The following OLFM2 variants were observed in gnomAD, a reference collection of about 807,000 sequenced individuals.
OLFM2 encodes the protein olfactomedin 2, also known as noelin-2.
Under a neutral mutation model 43.9 loss-of-function variants are expected in OLFM2, and 20 were observed. The ratio of observed to expected loss-of-function variants is 0.46; its 90% CI spans 0.32 to 0.66. OLFM2 has a LOEUF of 0.66. OLFM2 is among the 30% of genes least tolerant of loss of function. The probability of loss-of-function intolerance (pLI) is 0.04; values close to 1 mark genes in which losing one functional copy is unlikely to be tolerated. For synonymous variants in OLFM2, 268 were observed against 278.6 expected, an observed-to-expected ratio of 0.96 and a Z score of 0.38; for missense variants, 416 against 643.6, an observed-to-expected ratio of 0.65 and a Z score of 3.83.
intron 1 of OLFM2, among the ~76,000 whole-genome samples, chr19:9,882,366 G>A (rs1227665108): frequency 2.7e-5 from 4 of 149,222 alleles, no homozygotes; most frequent in Non-Finnish European, 4.5e-5. Context: ...GTGAAACCCC[G>A]TCTCTACTAA....
chr19:9,871,256 G>A (rs576303911), intron 1 of OLFM2, among the ~76,000 whole-genome samples: 2 of 145,556 alleles, frequency 1.4e-5, no homozygotes, highest in African/African-American at 5.2e-5. Context: ...GGGCAACAAA[G>A]CGAGATCCTG....
chr19:9,879,963 G>A (rs1168265022), intron 1 of OLFM2, among the ~76,000 whole-genome samples: 1 of 152,028 alleles, frequency 6.6e-6, no homozygotes, highest in Non-Finnish European at 1.5e-5. Context: ...TTTTAGTAGA[G>A]ACAAGGTTTC....
chr19:9,916,185 T>C (rs953709814), intron 1 of OLFM2, among the ~76,000 whole-genome samples: 2 of 151,944 alleles, frequency 1.3e-5, no homozygotes, highest in African/African-American at 4.8e-5. Context: ...GGTAAAACCC[T>C]GTCTCTACTA....
intron 1 of OLFM2, among the ~76,000 whole-genome samples, chr19:9,882,898 T>TA (rs890287851): frequency 2.0e-5 from 3 of 149,338 alleles, no homozygotes; most frequent in African/African-American, 7.5e-5. Flanking sequence ...CCCTATCTAT[T>TA]AAAAAAAATA....
intron 1 of OLFM2, among the ~76,000 whole-genome samples, chr19:9,929,601 A>G (rs964751041): frequency 3.8e-5 from 1 of 26,314 alleles, no homozygotes; most frequent in African/African-American, 4.1e-4. Context: ...GTCTCAAAAT[A>G]AAATAAAATA....
intron 1 of OLFM2, among the ~76,000 whole-genome samples, chr19:9,924,372 C>T (rs1285125353): frequency 7.3e-6 from 1 of 137,682 alleles, no homozygotes; most frequent in Non-Finnish European, 1.5e-5. Context: ...CACCACTGCA[C>T]TCCAGCCTGG....
At chr19:9,868,477 G>T (rs549486208) in intron 1 of OLFM2, among the ~76,000 whole-genome samples, 2 of 152,116 alleles carry the variant, frequency 1.3e-5, no homozygotes, top group African/African-American at 2.4e-5. Flanking sequence ...AAAGTATTGG[G>T]ATTACAGGCG....
chr19:9,863,740 T>A (rs1457875877), intron 1 of OLFM2, among the ~76,000 whole-genome samples: 1 of 151,668 alleles, frequency 6.6e-6, no homozygotes, highest in African/African-American at 2.4e-5. Flanking sequence ...CTCAATCGAG[T>A]CTTTTTTTTT....
chr19:9,890,631 C>T (rs1158051553), intron 1 of OLFM2, among the ~76,000 whole-genome samples: 5 of 152,166 alleles, frequency 3.3e-5, no homozygotes, highest in African/African-American at 9.7e-5. Flanking sequence ...GCCTTTTAAA[C>T]GGCAGTGACT....
chr19:9,888,312 C>T (rs1002724800), intron 1 of OLFM2, among the ~76,000 whole-genome samples: 3 of 151,814 alleles, frequency 2.0e-5, no homozygotes, highest in Middle Eastern at 3.4e-3. Context: ...CATTTGAGGT[C>T]GGGAGTTCGA....
At chr19:9,878,442 T>G (rs1026384707) in intron 1 of OLFM2, among the ~76,000 whole-genome samples, 1 of 134,226 alleles carries the variant, frequency 7.5e-6, no homozygotes, top group African/African-American at 2.9e-5. Flanking sequence ...CGGGCTGGAG[T>G]GCAATGGCAC....
At chr19:9,893,090 C>T (rs1208247204) in intron 1 of OLFM2, among the ~76,000 whole-genome samples, 1 of 152,112 alleles carries the variant, frequency 6.6e-6, no homozygotes, top group Non-Finnish European at 1.5e-5. Flanking sequence ...CCAGTTAAGC[C>T]TTTGTCTGTC....
intron 1 of OLFM2, among the ~76,000 whole-genome samples, chr19:9,899,737 G>A (rs2046714725): frequency 6.6e-6 from 1 of 151,544 alleles, no homozygotes; most frequent in African/African-American, 2.4e-5. Context: ...TTTTTTTTTA[G>A]AGATAGGGTT....
intron 1 of OLFM2, among the ~76,000 whole-genome samples, chr19:9,888,330 C>T (rs2046606330): frequency 6.6e-6 from 1 of 151,884 alleles, no homozygotes; most frequent in Admixed American, 6.6e-5. Context: ...CGAGACCAGC[C>T]TGGCTAACAT....
intron 1 of OLFM2, among the ~76,000 whole-genome samples, chr19:9,908,439 AGGT>A (rs2046800692): frequency 7.1e-6 from 1 of 141,302 alleles, no homozygotes; most frequent in Non-Finnish European, 1.5e-5. Flanking sequence ...CTGGGATTAC[AGGT>A]GCCTGCCATC....
At position 9,871,470 on chromosome 19, in the gene OLFM2, G is replaced by T. The variant is rs2046441413; in HGVS notation, c.64-10676C>A. ...CTACTATGATCCCAGCTACTCAGGA[G>T]GCTGAGGCAGGAGACTCGCTTGAAC... On this transcript the variant is annotated intron_variant, in intron 1 of 5. Coordinates refer to ENST00000264833, the MANE Select transcript of OLFM2 (RefSeq NM_058164.4). 2.0e-5 allele frequency among the ~76,000 whole-genome samples: 3 copies of T among 151,936 alleles called. No homozygotes were observed. The South Asian group carries it at 6.2e-4, about 32-fold the overall frequency.
rs141989166 is a variant in OLFM2 at position 9,861,884 on chromosome 19, G to T, written c.64-1090C>A. 8.9e-3 allele frequency among the ~76,000 whole-genome samples: 1,360 copies of T among 152,300 alleles called. 14 individuals are homozygous for T. The highest frequency in any genetic ancestry group is 0.03 in the African/African-American group (1,263 of 41,550). ...AAAATACAAAAATTAGCCAAGTATG[G>T]TGGCGGGCACCTGTAATCTCAGCTA... On this transcript the variant is annotated intron_variant, in intron 1 of 5. Coordinates refer to ENST00000264833, the MANE Select transcript of OLFM2 (RefSeq NM_058164.4).
intron 1 of OLFM2, among the ~76,000 whole-genome samples, chr19:9,935,186 C>A (rs1340191488): frequency 1.3e-5 from 2 of 152,182 alleles, no homozygotes; most frequent in African/African-American, 4.8e-5. Context: ...ATGCCTTAGT[C>A]TGTGCTGTGT....
intron 1 of OLFM2, among the ~76,000 whole-genome samples, chr19:9,890,369 G>A (rs7260192): frequency 0.88 from 134,075 of 151,674 alleles, 60,982 homozygotes; most frequent in Non-Finnish European, 1. Context: ...GAAGACTCTG[G>A]GGGGAGGGGG....
Sources: allele counts gnomAD v4.1 joint callset (sites outside exome capture counted in the v4.1 genomes callset), GRCh38; gene constraint gnomAD v4.1.1; transcripts MANE v1.5; gene names NCBI Gene and HGNC (gene_info 2026-07-23, HGNC 2026-07-21).